Variants in DAB1 observed in about 807,000 individuals in gnomAD.
The protein encoded by DAB1 is disabled homolog 1.
A neutral mutation model predicts 64.6 loss-of-function variants in DAB1; 15 were observed. That is an observed-to-expected ratio of 0.23 (90% CI 0.16 to 0.36). The LOEUF (loss-of-function observed/expected upper bound fraction) is 0.36. Ranked by LOEUF, DAB1 falls within the 10% of genes least tolerant of loss-of-function variation. The pLI is 1.00. For missense variants in DAB1, 596 were observed against 706.7 expected, an observed-to-expected ratio of 0.84 and a Z score of 1.78; for synonymous variants, 235 against 251.9, an observed-to-expected ratio of 0.93 and a Z score of 0.64.
chr1:58,403,004 A>G (rs552530104), intron 3 of DAB1, among the ~76,000 whole-genome samples: 1 of 152,198 alleles, frequency 6.6e-6, no homozygotes, highest in Admixed American at 6.5e-5. Context: ...CTCCACTGGC[A>G]ATATCAATAC....
chr1:57,498,159 G>A (rs1392432164), intron 7 of DAB1, among the ~76,000 whole-genome samples: 1 of 152,214 alleles, frequency 6.6e-6, no homozygotes, highest in Non-Finnish European at 1.5e-5. Flanking sequence ...TCCTGGAAGA[G>A]GACCAGATCA....
At chr1:58,358,919 C>T (rs1055586004) in intron 3 of DAB1, among the ~76,000 whole-genome samples, 1 of 99,282 alleles carries the variant, frequency 1.0e-5, no homozygotes, top group African/African-American at 4.2e-5. Flanking sequence ...CTCTCCCCCC[C>T]TTCCTTTCTT....
intron 4 of DAB1, among the ~76,000 whole-genome samples, chr1:57,118,580 G>T (rs1230263989): frequency 6.6e-6 from 1 of 152,180 alleles, no homozygotes; most frequent in Non-Finnish European, 1.5e-5. Context: ...GTAGCAGGCA[G>T]GCAGAAGTTG....
At chr1:57,675,827 T>C (rs1466582517) in intron 6 of DAB1, among the ~76,000 whole-genome samples, 1 of 152,146 alleles carries the variant, frequency 6.6e-6, no homozygotes, top group Non-Finnish European at 1.5e-5. Context: ...TTAATTCAGA[T>C]TGCCCAAGTG....
chr1:57,965,941 G>A (rs79556091), intron 5 of DAB1, among the ~76,000 whole-genome samples: 7 of 152,064 alleles, frequency 4.6e-5, no homozygotes, highest in South Asian at 2.1e-4. Flanking sequence ...TAAATGGCGG[G>A]GGGGGAGAGG....
At chr1:57,418,737 T>G (rs1016005055) in intron 1 of DAB1, among the ~76,000 whole-genome samples, 1 of 152,176 alleles carries the variant, frequency 6.6e-6, no homozygotes, top group Middle Eastern at 3.2e-3. Flanking sequence ...TGGTTATATG[T>G]CAGCTTCAAA....
At chr1:57,728,606 C>CA (rs1212971302) in intron 6 of DAB1, among the ~76,000 whole-genome samples, 10 of 150,366 alleles carry the variant, frequency 6.7e-5, no homozygotes, top group East Asian at 2.0e-4. Flanking sequence ...AAAAAAACAA[C>CA]AACAAAAAAA....
At chr1:58,444,625 T>C (rs1407692142) in intron 3 of DAB1, among the ~76,000 whole-genome samples, 1 of 152,214 alleles carries the variant, frequency 6.6e-6, no homozygotes, top group Non-Finnish European at 1.5e-5. Flanking sequence ...CCCTGATTCT[T>C]GCATGTTTCT....
intron 2 of DAB1, among the ~76,000 whole-genome samples, chr1:57,153,957 G>T (rs979821563): frequency 6.6e-5 from 10 of 152,056 alleles, no homozygotes; most frequent in African/African-American, 2.4e-4. Flanking sequence ...TATTTATGGG[G>T]TACACAACAT....
chr1:57,527,273 A>G (rs774177471), intron 7 of DAB1, among the ~76,000 whole-genome samples: 3 of 152,132 alleles, frequency 2.0e-5, no homozygotes, highest in Non-Finnish European at 4.4e-5. Context: ...TGGTGATTGG[A>G]CTGATTTTTG....
rs1651461649 is a variant in DAB1, at chr1:57,071,523, T to G, written c.557A>C (p.Gln186Pro). The change falls in exon 6 of 15, where the codon CAG becomes CCG. Residue 186 changes from glutamine (Q) to proline (P), a missense_variant and splice_region_variant. Coordinates refer to ENST00000371236, the MANE Select transcript of DAB1 (RefSeq NM_001365792.1). ...GCAAGGATAAATTCACAGGTATACC[T>G]GGTACACAGCTTGTTCACACTGCTT... ...KDKQCEQAVYQTILEEDVEDP... is the reference protein window; with the variant it reads ...KDKQCEQAVYPTILEEDVEDP... 1 of 1,612,908 alleles carries G rather than the reference T, an allele frequency of 6.2e-7. No individual in the cohort carries two copies. The highest frequency in any genetic ancestry group is 2.2e-5 in the East Asian group (1 of 44,862).
intron 1 of DAB1, chr1:57,878,639 A>G (rs1644092832): frequency 6.6e-6 from 1 of 152,196 alleles, no homozygotes; most frequent in Non-Finnish European, 1.5e-5. Context: ...AACTTAGGGT[A>G]TTTAGCATAT....
At chr1:57,098,608 T>C (rs570593144) in intron 4 of DAB1, among the ~76,000 whole-genome samples, 63 of 152,262 alleles carry the variant, frequency 4.1e-4, no homozygotes, top group Middle Eastern at 6.8e-3. Flanking sequence ...CATATAAAAG[T>C]CTCTGATTTA....
At chr1:57,275,547 AG>A (rs1671393040) in intron 2 of DAB1, among the ~76,000 whole-genome samples, 1 of 152,226 alleles carries the variant, frequency 6.6e-6, no homozygotes, top group Admixed American at 6.5e-5. Flanking sequence ...AGTCATTGTG[AG>A]GGGACAAAAC....
chr1:57,099,505 T>C (rs1480468125), intron 4 of DAB1, among the ~76,000 whole-genome samples: 3 of 152,184 alleles, frequency 2.0e-5, no homozygotes, highest in Non-Finnish European at 4.4e-5. Flanking sequence ...CTAGGTAATA[T>C]AGCTGTAGTT....
chr1:58,211,345 A>T (rs894102177), intron 4 of DAB1, among the ~76,000 whole-genome samples: 1 of 152,186 alleles, frequency 6.6e-6, no homozygotes, highest in Admixed American at 6.5e-5. Context: ...ATGTCAGTCT[A>T]TTCAGTTCTT....
chr1:57,591,450 G>A (rs1645444528), intron 7 of DAB1, among the ~76,000 whole-genome samples: 1 of 152,200 alleles, frequency 6.6e-6, no homozygotes, highest in African/African-American at 2.4e-5. Flanking sequence ...GCAGCACTAA[G>A]GTGTGGTAAT....
intron 7 of DAB1, among the ~76,000 whole-genome samples, chr1:57,521,820 G>A (rs1225472931): frequency 6.6e-6 from 1 of 152,120 alleles, no homozygotes; most frequent in Non-Finnish European, 1.5e-5. Context: ...AGAGAAAAGA[G>A]CCCATTCGGC....
intron 6 of DAB1, among the ~76,000 whole-genome samples, chr1:57,693,524 C>G (rs565824628): frequency 4.3e-4 from 65 of 151,858 alleles, no homozygotes; most frequent in Non-Finnish European, 8.2e-4. Flanking sequence ...ATGGACCAAT[C>G]AGCAGGATGT....
Sources: gnomAD v4.1 joint callset for allele counts (sites outside exome capture counted in the v4.1 genomes callset) on GRCh38, gnomAD v4.1.1 for gene constraint, MANE v1.5 for transcripts, NCBI Gene and HGNC (gene_info 2026-07-23, HGNC 2026-07-21) for gene names.